The following ASTN1 variants were observed in gnomAD, a reference collection of about 807,000 sequenced individuals.
The protein encoded by ASTN1 is astrotactin-1.
ASTN1 carries 41 observed loss-of-function variants against 140.7 expected under a neutral mutation model. The ratio of observed to expected loss-of-function variants is 0.29; its 90% confidence interval spans 0.23 to 0.38. The LOEUF (loss-of-function observed/expected upper bound fraction) is 0.38. Among genes scored for constraint, ASTN1 ranks in the 10% least tolerant of loss-of-function variants. ASTN1 has a pLI of 1.00. For missense variants in ASTN1, 1,479 were observed against 1,678.8 expected, an observed-to-expected ratio of 0.88 and a Z score of 2.08; for synonymous variants, 640 against 652.2, an observed-to-expected ratio of 0.98 and a Z score of 0.29.
At position 177,137,873 on chromosome 1, in the gene ASTN1, G is replaced by A. The variant is rs1399796450; in HGVS notation, c.283+26521C>T. Among the ~76,000 whole-genome samples the A allele has an allele frequency of 3.9e-5, 6 of 152,126 alleles. No homozygotes were observed. The East Asian group carries it at 7.7e-4, about 20-fold the overall frequency. On this transcript the variant is annotated intron_variant, in intron 1 of 22. Coordinates refer to ENST00000361833, the MANE Select transcript of ASTN1 (RefSeq NM_004319.3). Reference sequence around the variant, plus strand: ...TAACTAAAATAGCATCCAGTGTATTGGAAAACATAAAACATGCATTTATGG... The same window carrying A: ...TAACTAAAATAGCATCCAGTGTATTAGAAAACATAAAACATGCATTTATGG...
chr1:177,048,798 C>T (rs1345020989), intron 2 of ASTN1, among the ~76,000 whole-genome samples: 2 of 152,186 alleles, frequency 1.3e-5, no homozygotes, highest in African/African-American at 4.8e-5. Flanking sequence ...GCTGGAGACA[C>T]AGAGGAGCAG....
At position 176,996,310 on chromosome 1, in the gene ASTN1, C is replaced by CAG. The variant is rs139189448; in HGVS notation, c.1523+18479_1523+18480dup. 5.2e-3 allele frequency among the ~76,000 whole-genome samples: 662 copies of CAG among 126,502 alleles called. 10 individuals are homozygous for CAG. The highest frequency in any genetic ancestry group is 0.017 in the Middle Eastern group (4 of 232). 83.0% of individuals were successfully genotyped at this position (126,502 alleles called of 152,430 possible). ...TCTCTCACACACACACACACACACA[C>CAG]AGAGAGAGAGAGAGAGACAGAGACA... On this transcript the variant is annotated intron_variant, in intron 8 of 22. Transcript: ENST00000361833.
chr1:176,969,790 T>A (rs1453570502), intron 8 of ASTN1, among the ~76,000 whole-genome samples: 2 of 152,228 alleles, frequency 1.3e-5, no homozygotes, highest in East Asian at 3.9e-4. Flanking sequence ...CACATCTTTT[T>A]AGTCAGAATA....
intron 1 of ASTN1, among the ~76,000 whole-genome samples, chr1:177,105,500 G>T (rs1680506449): frequency 6.6e-6 from 1 of 152,042 alleles, no homozygotes; most frequent in South Asian, 2.1e-4. Flanking sequence ...CCAGATAGAT[G>T]CTTATGAAGC....
At chr1:176,865,409 G>T (rs1668095643) in intron 22 of ASTN1, among the ~76,000 whole-genome samples, 1 of 152,196 alleles carries the variant, frequency 6.6e-6, no homozygotes, top group African/African-American at 2.4e-5. Context: ...CTCACTTCTG[G>T]TGTCATAGAT....
chr1:176,955,187 T>G (rs1467378184), intron 11 of ASTN1, among the ~76,000 whole-genome samples: 1 of 152,116 alleles, frequency 6.6e-6, no homozygotes, highest in Non-Finnish European at 1.5e-5. Context: ...AAAGGTAAAC[T>G]TTACGTGGAG....
At chr1:176,877,618 G>A (rs149049617) in intron 20 of ASTN1, among the ~76,000 whole-genome samples, 8 of 152,348 alleles carry the variant, frequency 5.3e-5, no homozygotes, top group Admixed American at 2.6e-4. Context: ...TCTAGGTTCT[G>A]CCACTGAAAA....
rs550316705 is a variant in ASTN1, at chr1:176,888,612, C to T, written c.2941-408G>A. On this transcript the variant is annotated intron_variant, in intron 17 of 22. Coordinates refer to ENST00000361833, the MANE Select transcript of ASTN1 (RefSeq NM_004319.3). ...GGCATTTGCCTTTTCCCAAATGCTTCTCTGTGCATCCTTATCTACCTGCCC... is the reference window on the plus strand; with the variant it reads ...GGCATTTGCCTTTTCCCAAATGCTTTTCTGTGCATCCTTATCTACCTGCCC... 7.9e-5 allele frequency among the ~76,000 whole-genome samples: 12 copies of T among 152,370 alleles called. No individual in the cohort carries two copies. The East Asian group carries it at 2.1e-3, about 27-fold the overall frequency.
chr1:176,977,630 T>C lies in ASTN1; in HGVS notation c.1524-12393A>G, dbSNP rs904355864. Among the ~76,000 whole-genome samples, 22 of 152,250 alleles carry C rather than the reference T, an allele frequency of 1.4e-4. 1 individual carries two copies. Among genetic ancestry groups the C allele is most frequent in the Non-Finnish European group, 1.0e-4 (7 of 68,036 alleles). ...GCTATTACTTTTTATGCATTTATAC[T>C]AGTCAGTGAGCCAAGTACTTTTTTT... On this transcript the variant is annotated intron_variant, in intron 8 of 22. Coordinates refer to ENST00000361833, the MANE Select transcript of ASTN1 (RefSeq NM_004319.3).
intron 1 of ASTN1, among the ~76,000 whole-genome samples, chr1:177,130,282 C>T (rs1472937205): frequency 6.6e-6 from 1 of 152,088 alleles, no homozygotes; most frequent in Non-Finnish European, 1.5e-5. Context: ...GCAGGGTGGT[C>T]CGTGTGACCC....
rs74127285 is a variant in ASTN1, at chr1:177,042,917, C to T, written c.472-10068G>A. On this transcript the variant is annotated intron_variant, in intron 2 of 22. Coordinates refer to ENST00000361833, the MANE Select transcript of ASTN1 (RefSeq NM_004319.3). ...TATGCAAGTGAGGATCCCTAAATGT[C>T]TACACTTAGTACTGTCTACACTGCC... Among the ~76,000 whole-genome samples, 1,177 of 152,340 alleles carry T rather than the reference C, an allele frequency of 7.7e-3. 14 individuals are homozygous for T. Among genetic ancestry groups the T allele is most frequent in the African/African-American group, 0.026 (1,083 of 41,562 alleles).
intron 21 of ASTN1, among the ~76,000 whole-genome samples, chr1:176,870,306 C>T (rs1668285703): frequency 1.3e-5 from 2 of 152,220 alleles, no homozygotes; most frequent in Admixed American, 6.5e-5. Context: ...GTGTGACCAT[C>T]TGTTAGCTCG....
chr1:176,876,660 G>C, intron 20 of ASTN1, 23 bp from the exon 21 acceptor site: 5 of 1,610,394 alleles, frequency 3.1e-6, no homozygotes, highest in Non-Finnish European at 3.4e-6. Flanking sequence ...GGGAGGGCAT[G>C]GTTAGCAGAA....
chr1:177,108,977 A>G (rs28580066), intron 1 of ASTN1, among the ~76,000 whole-genome samples: 2 of 152,120 alleles, frequency 1.3e-5, no homozygotes, highest in Non-Finnish European at 2.9e-5. Context: ...CTAGGTAGAG[A>G]AGGATAAGCT....
chr1:177,089,164 C>A (rs187604523), intron 1 of ASTN1, among the ~76,000 whole-genome samples: 2 of 152,142 alleles, frequency 1.3e-5, no homozygotes, highest in African/African-American at 4.8e-5. Flanking sequence ...CAGAAGCTGA[C>A]GCCCTAATCT....
Position 176,949,324 on chromosome 1 carries a change from C to G in ASTN1, c.1915G>C (p.Asp639His). The G allele has an allele frequency of 6.2e-7, 1 of 1,614,070 alleles. No individual in the cohort carries two copies. Among genetic ancestry groups the G allele is most frequent in the Non-Finnish European group, 8.5e-7 (1 of 1,180,020 alleles). ...TGGCGGTCATAGCAGCCAGAGCTGT[C>G]CTTCATGGGACTGAGTCCAGATGGG... ...VCPSGLSPMK[D>H]SSGCYDRHIG... Residue 639 changes from aspartate (D) to histidine (H), a missense_variant, in exon 12 of 23, where the codon GAC becomes CAC. This residue lies in a region of ASTN1 where 729 missense variants were observed against 860.4 expected (regional missense o/e 0.85). Coordinates refer to ENST00000361833, the MANE Select transcript of ASTN1 (RefSeq NM_004319.3).
At chr1:176,951,263 G>A (rs1672181348) in intron 11 of ASTN1, among the ~76,000 whole-genome samples, 1 of 152,342 alleles carries the variant, frequency 6.6e-6, no homozygotes, top group Admixed American at 6.5e-5. Context: ...CCCATGTTTT[G>A]CTAGCCTCCC....
At chr1:177,028,118 G>A (rs951919774) in intron 5 of ASTN1, among the ~76,000 whole-genome samples, 16 of 152,124 alleles carry the variant, frequency 1.1e-4, no homozygotes, top group Non-Finnish European at 4.4e-5. Flanking sequence ...GGTTAATAGC[G>A]TAAAAAGTTG....
intron 2 of ASTN1, among the ~76,000 whole-genome samples, chr1:177,037,327 C>G (rs913885546): frequency 1.3e-5 from 2 of 152,154 alleles, no homozygotes; most frequent in Admixed American, 1.3e-4. Flanking sequence ...GCACATATCT[C>G]ACACAGCTTA....
Sources: gnomAD v4.1 joint callset for allele counts (sites outside exome capture counted in the v4.1 genomes callset) on GRCh38, gnomAD v4.1.1 for gene constraint, gnomAD v4.1.1 regional missense constraint, MANE v1.5 for transcripts, NCBI Gene and HGNC (gene_info 2026-07-23, HGNC 2026-07-21) for gene names.